PDE4B: variants seen among roughly 807,000 people sequenced by gnomAD.
PDE4B encodes the protein phosphodiesterase 4B.
In PDE4B, 20 loss-of-function variants were observed where a neutral mutation model predicts 82.2. The observed-to-expected ratio is 0.24, with a 90% CI of 0.17 to 0.35. The LOEUF is 0.35. Among genes scored for constraint, PDE4B ranks in the 10% least tolerant of loss-of-function variants. The pLI is 1.00. For synonymous variants in PDE4B, 320 were observed against 318.9 expected (o/e 1.00, Z -0.04); for missense variants, 655 against 907.2 (o/e 0.72, Z 3.57).
intron 3 of PDE4B, among the ~76,000 whole-genome samples, chr1:65,985,300 A>T (rs1320306879): frequency 6.6e-6 from 1 of 152,112 alleles, no homozygotes; most frequent in Non-Finnish European, 1.5e-5. Context: ...AGAGCAGTGG[A>T]GTGGATTTGA....
intron 3 of PDE4B, among the ~76,000 whole-genome samples, chr1:65,930,569 G>A (rs967411521): frequency 6.6e-6 from 1 of 152,238 alleles, no homozygotes; most frequent in Non-Finnish European, 1.5e-5. Context: ...CTGGATGTGG[G>A]ACATGGAGTC....
chr1:66,356,606 A>G (rs1461457907), intron 9 of PDE4B, among the ~76,000 whole-genome samples: 1 of 152,236 alleles, frequency 6.6e-6, no homozygotes, highest in East Asian at 1.9e-4. Context: ...CATTAAATCA[A>G]TGAGCATTTT....
intron 3 of PDE4B, among the ~76,000 whole-genome samples, chr1:66,085,445 A>G (rs1012147887): frequency 6.6e-6 from 1 of 152,178 alleles, no homozygotes; most frequent in African/African-American, 2.4e-5. Flanking sequence ...TGGAATTTTT[A>G]TGACAGAAGT....
At chr1:66,148,557 A>G (rs1158572235) in intron 3 of PDE4B, among the ~76,000 whole-genome samples, 1 of 152,192 alleles carries the variant, frequency 6.6e-6, no homozygotes, top group Non-Finnish European at 1.5e-5. Flanking sequence ...TTTTTAGTAT[A>G]TTTATGGAAT....
intron 1 of PDE4B, among the ~76,000 whole-genome samples, chr1:65,864,601 T>C (rs541843934): frequency 9.2e-5 from 14 of 152,268 alleles, no homozygotes; most frequent in Admixed American, 9.2e-4. Flanking sequence ...TGTTAGTTTT[T>C]CTTCTAACAG....
At position 65,910,569 on chromosome 1, in the gene PDE4B, A is replaced by G. The variant is rs549163914; in HGVS notation, c.-70-2676A>G. On this transcript the variant is annotated intron_variant, in intron 1 of 16. Transcript: ENST00000341517. ...TGAAAGAGAGTTTAATGGAGGTACT[A>G]TTTACAAAGGGTATGGGCAGGGTTG... 2.6e-5 allele frequency among the ~76,000 whole-genome samples: 4 copies of G among 152,262 alleles called. No homozygotes were observed. In the South Asian group the frequency reaches 6.2e-4, roughly 24 times the overall value.
At chr1:66,154,261 T>C (rs1400255474) in intron 3 of PDE4B, among the ~76,000 whole-genome samples, 2 of 152,178 alleles carry the variant, frequency 1.3e-5, no homozygotes, top group Non-Finnish European at 2.9e-5. Context: ...AAAACTGTTT[T>C]TCATCTCTGT....
intron 2 of PDE4B, among the ~76,000 whole-genome samples, chr1:65,916,080 CAG>C (rs1647156553): frequency 2.6e-5 from 4 of 152,068 alleles, no homozygotes; most frequent in African/African-American, 9.7e-5. Context: ...GTATGAATTA[CAG>C]AGTGTGAAGT....
At chr1:66,020,233 A>G (rs1653014659) in intron 3 of PDE4B, among the ~76,000 whole-genome samples, 5 of 152,204 alleles carry the variant, frequency 3.3e-5, no homozygotes. Context: ...ATTCTGATTA[A>G]GGCAGGTGTC....
chr1:65,801,828 A>G (rs1251842390), intron 1 of PDE4B, among the ~76,000 whole-genome samples: 1 of 152,214 alleles, frequency 6.6e-6, no homozygotes, highest in Non-Finnish European at 1.5e-5. Context: ...CCTCTTTACT[A>G]TTTAATGTGA....
At chr1:66,183,872 T>G (rs535861489) in intron 3 of PDE4B, among the ~76,000 whole-genome samples, 125 of 152,248 alleles carry the variant, frequency 8.2e-4, no homozygotes, top group African/African-American at 2.9e-3. Context: ...ATAACATAGG[T>G]GCATAAGACA....
At chr1:66,169,673 G>T (rs1646802524) in intron 3 of PDE4B, among the ~76,000 whole-genome samples, 2 of 152,178 alleles carry the variant, frequency 1.3e-5, no homozygotes, top group Non-Finnish European at 2.9e-5. Context: ...TGATTAATCA[G>T]ATCACTGTGA....
intron 3 of PDE4B, among the ~76,000 whole-genome samples, chr1:65,970,654 T>C (rs1435155591): frequency 6.6e-6 from 1 of 152,150 alleles, no homozygotes; most frequent in Admixed American, 6.6e-5. Context: ...AGGTATCTAC[T>C]GAGCACAATG....
intron 3 of PDE4B, among the ~76,000 whole-genome samples, chr1:66,202,756 G>T (rs1418793696): frequency 3.9e-5 from 6 of 151,994 alleles, no homozygotes; most frequent in Non-Finnish European, 8.8e-5. Flanking sequence ...CACGTGAGAT[G>T]GGTTTCCTGA....
In PDE4B at chr1:65,954,252, A is replaced by G. The variant is rs1649146256; in HGVS notation, c.281+35417A>G. Among the ~76,000 whole-genome samples the G allele has an allele frequency of 3.3e-5, 5 of 152,136 alleles. No homozygotes were observed. In the South Asian group the frequency reaches 1.0e-3, roughly 32 times the overall value. On this transcript the variant is annotated intron_variant, in intron 3 of 16. Transcript: ENST00000341517. The stretch of plus-strand genomic sequence containing the variant: ...TTTTTCTTTCCTGTATTTCAGCACA[A>G]TCATGAGTTATATGGTTCAGAGAAC...
chr1:66,003,499 A>G (rs962553194), intron 3 of PDE4B, among the ~76,000 whole-genome samples: 4 of 152,194 alleles, frequency 2.6e-5, no homozygotes, highest in African/African-American at 7.2e-5. Context: ...CAGGATCCGC[A>G]TATTAAAAGC....
chr1:65,869,717 T>C (rs1010458409), intron 1 of PDE4B, among the ~76,000 whole-genome samples: 1 of 152,132 alleles, frequency 6.6e-6, no homozygotes, highest in African/African-American at 2.4e-5. Flanking sequence ...TGAGGTGATC[T>C]TTGTATTAGT....
chr1:65,948,895 G>C (rs1055372626), intron 3 of PDE4B, among the ~76,000 whole-genome samples: 1 of 152,092 alleles, frequency 6.6e-6, no homozygotes, highest in Non-Finnish European at 1.5e-5. Context: ...TTTTCACTGA[G>C]CATAGCTGAC....
At chr1:66,167,103 G>C (rs1646749069) in intron 3 of PDE4B, among the ~76,000 whole-genome samples, 1 of 152,134 alleles carries the variant, frequency 6.6e-6, no homozygotes, top group Non-Finnish European at 1.5e-5. Context: ...ATTTCTGGTG[G>C]GATTGTAAAA....
Sources: gnomAD v4.1 joint callset for allele counts (sites outside exome capture counted in the v4.1 genomes callset) on GRCh38, gnomAD v4.1.1 for gene constraint, MANE v1.5 for transcripts, NCBI Gene and HGNC (gene_info 2026-07-23, HGNC 2026-07-21) for gene names.